Variants in FER1L6 observed in about 807,000 individuals in gnomAD.
FER1L6 encodes fer-1 like family member 6.
In FER1L6, 177 loss-of-function variants were observed where a neutral mutation model predicts 219.2. The ratio of observed to expected loss-of-function variants is 0.81; its 90% CI spans 0.71 to 0.91. The LOEUF is 0.91. FER1L6 is among the 40% of genes least tolerant of loss of function. FER1L6 has a pLI of 0.00. For missense variants in FER1L6, 2,153 were observed against 2,259.9 expected (o/e 0.95, Z 0.96); for synonymous variants, 768 against 824.3 (o/e 0.93, Z 1.17).
Position 124,082,317 on chromosome 8 carries a change from A to G in FER1L6, c.4250A>G (p.Lys1417Arg). 6.2e-7 allele frequency: 1 copy of G among 1,613,516 alleles called. No individual in the cohort carries two copies. Among genetic ancestry groups the G allele is most frequent in the Non-Finnish European group, 8.5e-7 (1 of 1,179,714 alleles). The stretch of plus-strand genomic sequence containing the variant: ...TTTGAGATCCAAGCCACATTCCCAA[A>G]AGAGTCCCTGCTCTCCATCCTGATC... ...RSFEIQATFPKESLLSILIYD... is the reference protein window; with the variant it reads ...RSFEIQATFPRESLLSILIYD... Residue 1417 changes from lysine to arginine, a missense_variant, in exon 33 of 41, where the codon AAA (lysine) becomes AGA (arginine). By Grantham distance (26) the Lys-to-Arg change is conservative. Transcript: ENST00000522917.
At chr8:123,946,198 C>T (rs772252282) in intron 1 of FER1L6, among the ~76,000 whole-genome samples, 5 of 152,152 alleles carry the variant, frequency 3.3e-5, no homozygotes, top group African/African-American at 9.7e-5. Flanking sequence ...TCTTTCTTTT[C>T]TCTGGACTGG....
chr8:123,956,136 G>A (rs192380867), intron 2 of FER1L6, 62 bp downstream of exon 2: 134 of 1,447,144 alleles, frequency 9.3e-5, no homozygotes, highest in African/African-American at 6.8e-4. Context: ...TGACCCCTCC[G>A]TGGCTGAAAA....
intron 1 of FER1L6, among the ~76,000 whole-genome samples, chr8:123,907,023 T>G (rs1812966839): frequency 6.6e-6 from 1 of 152,162 alleles, no homozygotes; most frequent in South Asian, 2.1e-4. Context: ...ACACAGTGGT[T>G]GTCTAGACTA....
Position 123,980,474 on chromosome 8 carries a change from C to A in FER1L6, c.1073C>A (p.Pro358His). The A allele has an allele frequency of 3.1e-6, 5 of 1,607,538 alleles. No homozygotes were observed. Among genetic ancestry groups the A allele is most frequent in the Non-Finnish European group, 3.4e-6 (4 of 1,176,852 alleles). ...NEQDGDKGFL[P>H]TFGPAWINLY... ...CCTGGGGTCTCTCTAGGCTTTCTGCCCACCTTTGGGCCTGCCTGGATTAAC... is the reference window on the plus strand; with the variant it reads ...CCTGGGGTCTCTCTAGGCTTTCTGCACACCTTTGGGCCTGCCTGGATTAAC... Residue 358 changes from proline to histidine, a missense_variant, in exon 11 of 41, where the codon CCC (proline) becomes CAC (histidine). By Grantham distance (77) the Pro-to-His change is moderately conservative (BLOSUM62 -2). Coordinates refer to ENST00000522917, the MANE Select transcript of FER1L6 (RefSeq NM_001039112.2).
chr8:124,118,964 G>C lies in FER1L6; in HGVS notation c.5390+20G>C. The C allele has an allele frequency of 6.3e-7, 1 of 1,591,412 alleles. No individual in the cohort carries two copies. ...GCCCAAGTGAGTGGAGTTGCTAGTG[G>C]GAACATCAGAAATGGGAAGGGGCCT... On this transcript the variant is annotated intron_variant, in intron 40 of 40. Transcript: ENST00000522917.
At chr8:123,993,842 C>T (rs1253195324) in intron 12 of FER1L6, among the ~76,000 whole-genome samples, 1 of 152,154 alleles carries the variant, frequency 6.6e-6, no homozygotes, top group Non-Finnish European at 1.5e-5. Flanking sequence ...CAGTGGCTAC[C>T]AGTACCAGTT....
chr8:123,993,939 C>T (rs1023868173), intron 12 of FER1L6, among the ~76,000 whole-genome samples: 11 of 152,248 alleles, frequency 7.2e-5, no homozygotes, highest in East Asian at 5.8e-4. Flanking sequence ...TCTCAAATGC[C>T]GGTTGTAGTA....
chr8:123,856,263 T>TAC (rs1290097699), intron 1 of FER1L6, among the ~76,000 whole-genome samples: 5 of 139,442 alleles, frequency 3.6e-5, no homozygotes, highest in African/African-American at 1.1e-4. Context: ...TATATGTATA[T>TAC]ATGTGTATAT....
intron 12 of FER1L6, among the ~76,000 whole-genome samples, chr8:123,992,099 G>T (rs1172944374): frequency 1.3e-5 from 2 of 152,100 alleles, no homozygotes; most frequent in Non-Finnish European, 2.9e-5. Context: ...GATTTGGTTT[G>T]CTAGTATTTT....
At chr8:123,897,774 A>T (rs1404436972) in intron 1 of FER1L6, among the ~76,000 whole-genome samples, 1 of 152,182 alleles carries the variant, frequency 6.6e-6, no homozygotes, top group Non-Finnish European at 1.5e-5. Context: ...AACTTTACTG[A>T]TATAATTAGG....
At chr8:124,080,590 T>C (rs1821501245) in intron 32 of FER1L6, among the ~76,000 whole-genome samples, 1 of 152,158 alleles carries the variant, frequency 6.6e-6, no homozygotes, top group Non-Finnish European at 1.5e-5. Context: ...AGTGCTGGGA[T>C]TATAGTCGTG....
intron 1 of FER1L6, among the ~76,000 whole-genome samples, chr8:123,927,053 C>T (rs544261653): frequency 1.3e-5 from 2 of 151,882 alleles, no homozygotes; most frequent in African/African-American, 4.8e-5. Flanking sequence ...TTAGTTAATG[C>T]TCATGATACT....
chr8:124,040,338 TC>T (rs1330101962), intron 20 of FER1L6: 2 of 318,090 alleles, frequency 6.3e-6, no homozygotes, highest in Non-Finnish European at 1.2e-5. Flanking sequence ...ACAGCACAGA[TC>T]AACCTGCAGG....
At chr8:123,987,105 T>C (rs1816622053) in intron 12 of FER1L6, among the ~76,000 whole-genome samples, 1 of 152,216 alleles carries the variant, frequency 6.6e-6, no homozygotes, top group South Asian at 2.1e-4. Flanking sequence ...CTGTTCTCCA[T>C]AGTGGTTGTA....
chr8:124,108,382 G>A (rs1026743896), intron 39 of FER1L6, among the ~76,000 whole-genome samples: 1 of 152,132 alleles, frequency 6.6e-6, no homozygotes, highest in Non-Finnish European at 1.5e-5. Context: ...AAATGAGATA[G>A]TATGTTCCAG....
chr8:124,015,641 G>T (rs531946250), intron 15 of FER1L6, among the ~76,000 whole-genome samples: 40 of 127,036 alleles, frequency 3.1e-4, no homozygotes, highest in African/African-American at 1.2e-3. Context: ...GCTGTTTAGT[G>T]CCACCTGCAA....
In FER1L6 at chr8:124,045,841, G is replaced by T. The variant is rs1427195177; in HGVS notation, c.2664G>T (p.Val888=). The change falls in exon 21 of 41, where the codon GTG becomes GTT. Residue 888 remains valine (V), a synonymous_variant. Coordinates refer to ENST00000522917, the MANE Select transcript of FER1L6 (RefSeq NM_001039112.2). The part of the protein sequence containing the change: ...LFNDLVLHGD[V]KELAESPPLV... ...ATGATTTGGTGCTGCATGGAGATGTGAAGGAGCTGGCAGAGTCCCCGCCCT... is the reference window on the plus strand; with the variant it reads ...ATGATTTGGTGCTGCATGGAGATGTTAAGGAGCTGGCAGAGTCCCCGCCCT... 6.2e-7 allele frequency: 1 copy of T among 1,614,106 alleles called. No homozygotes were observed. The highest frequency in any genetic ancestry group is 1.1e-5 in the South Asian group (1 of 91,084).
At chr8:124,063,758 A>G (rs1820699658) in intron 25 of FER1L6, among the ~76,000 whole-genome samples, 1 of 152,206 alleles carries the variant, frequency 6.6e-6, no homozygotes, top group Non-Finnish European at 1.5e-5. Context: ...CCATGGGGGT[A>G]CCGAACTGGG....
rs564793321 is a variant in FER1L6 at position 123,975,366 on chromosome 8, C to G, written c.683+60C>G. On this transcript the variant is annotated intron_variant, in intron 8 of 40. Transcript: ENST00000522917. ...TGATATGTCCAATTTTAATCTCTTT[C>G]CCCTCCCTCACCACTTTTCTTATGG... 6.9e-6 allele frequency: 10 copies of G among 1,457,692 alleles called. No individual in the cohort carries two copies. The East Asian group carries it at 2.2e-4, about 32-fold the overall frequency. The allele number at this position is 1,457,692 out of a possible 1,614,324, so 90.3% of individuals were successfully genotyped here.
Sources: gnomAD v4.1 joint callset for allele counts (sites outside exome capture counted in the v4.1 genomes callset) on GRCh38, gnomAD v4.1.1 for gene constraint, MANE v1.5 for transcripts, NCBI Gene and HGNC (gene_info 2026-07-23, HGNC 2026-07-21) for gene names.